Variants in SYT16 observed in about 807,000 individuals in gnomAD.
The protein encoded by SYT16 is synaptotagmin-16.
In SYT16, 42 loss-of-function variants were observed where a neutral mutation model predicts 61.4. The observed-to-expected ratio is 0.68, with a 90% CI of 0.53 to 0.89. The LOEUF (loss-of-function observed/expected upper bound fraction) is 0.89. Among genes scored for constraint, SYT16 ranks in the 40% least tolerant of loss-of-function variants. The probability of loss-of-function intolerance (pLI) is 0.00; values close to 1 mark genes in which losing one functional copy is unlikely to be tolerated. For missense variants in SYT16, 804 were observed against 807.3 expected (o/e 1.00, Z 0.05); for synonymous variants, 314 against 302.3 (o/e 1.04, Z -0.40).
At chr14:61,983,381 A>C (rs554988350) in intron 2 of SYT16, among the ~76,000 whole-genome samples, 1 of 152,210 alleles carries the variant, frequency 6.6e-6, no homozygotes, top group African/African-American at 2.4e-5. Flanking sequence ...TTGAGGTTTA[A>C]TGAAAAGATG....
chr14:62,036,961 G>A (rs911100828), intron 3 of SYT16, among the ~76,000 whole-genome samples: 1 of 152,172 alleles, frequency 6.6e-6, no homozygotes, highest in African/African-American at 2.4e-5. Flanking sequence ...TGAACAAAGA[G>A]AACAGAGGAA....
chr14:61,975,823 T>C (rs2051767093), intron 2 of SYT16, among the ~76,000 whole-genome samples: 1 of 152,150 alleles, frequency 6.6e-6, no homozygotes, highest in African/African-American at 2.4e-5. Context: ...TCCCCCCAAA[T>C]CTCATGTCTC....
chr14:61,822,705 G>C (rs1296227168), intron 1 of SYT16, among the ~76,000 whole-genome samples: 1 of 152,184 alleles, frequency 6.6e-6, no homozygotes, highest in Non-Finnish European at 1.5e-5. Context: ...GCAGAAGGCA[G>C]TATGCTTTGT....
intron 3 of SYT16, among the ~76,000 whole-genome samples, chr14:62,037,130 A>T (rs1262984819): frequency 1.3e-5 from 2 of 152,180 alleles, no homozygotes; most frequent in African/African-American, 2.4e-5. Context: ...TCTGAGCTAC[A>T]GTCAGGTCTC....
intron 3 of SYT16, among the ~76,000 whole-genome samples, chr14:62,045,708 T>C (rs1048669319): frequency 6.6e-5 from 10 of 152,092 alleles, no homozygotes; most frequent in African/African-American, 9.7e-5. Context: ...CGGTGTTTGG[T>C]TTTTTGTCCT....
At chr14:61,976,998 C>A (rs2051835812) in intron 2 of SYT16, among the ~76,000 whole-genome samples, 1 of 152,078 alleles carries the variant, frequency 6.6e-6, no homozygotes, top group African/African-American at 2.4e-5. Flanking sequence ...TCTCTAGGAC[C>A]CTAGGGCAGG....
intron 7 of SYT16, among the ~76,000 whole-genome samples, chr14:62,093,795 A>C (rs780099831): frequency 9.9e-5 from 15 of 152,154 alleles, no homozygotes; most frequent in Non-Finnish European, 1.6e-4. Flanking sequence ...TACTGACAAA[A>C]ATCTTAGCAG....
chr14:61,948,314 C>A (rs1291900470), intron 1 of SYT16, among the ~76,000 whole-genome samples: 1 of 151,682 alleles, frequency 6.6e-6, no homozygotes, highest in East Asian at 1.9e-4. Flanking sequence ...GTAAGTTTAT[C>A]AAAGTAGGTT....
intron 1 of SYT16, among the ~76,000 whole-genome samples, chr14:61,837,658 G>A (rs907113107): frequency 2.6e-5 from 4 of 152,072 alleles, no homozygotes; most frequent in African/African-American, 9.7e-5. Context: ...CCGCTCAGTG[G>A]AAAAGTCCTC....
intron 3 of SYT16, among the ~76,000 whole-genome samples, chr14:62,050,151 C>G (rs1434176170): frequency 6.6e-6 from 1 of 152,204 alleles, no homozygotes; most frequent in Non-Finnish European, 1.5e-5. Flanking sequence ...TCCCATATTT[C>G]TTGGAGGCTT....
At chr14:62,066,923 A>G (rs907038018) in intron 3 of SYT16, among the ~76,000 whole-genome samples, 20 of 152,178 alleles carry the variant, frequency 1.3e-4, no homozygotes, top group African/African-American at 4.1e-4. Context: ...AGAGAACAGA[A>G]AATTGTTTCA....
intron 2 of SYT16, among the ~76,000 whole-genome samples, chr14:61,979,104 A>G (rs8021459): frequency 2.2e-3 from 339 of 152,344 alleles, no homozygotes; most frequent in African/African-American, 7.8e-3. Flanking sequence ...AGGAAGAATA[A>G]TGACAAATTT....
In SYT16 at chr14:62,100,826, G is replaced by A; in HGVS notation, c.*119G>A. On this transcript the variant is annotated 3_prime_UTR_variant, in exon 8 of 8. Coordinates refer to ENST00000683842, the MANE Select transcript of SYT16 (RefSeq NM_001367656.1). ...CAAAAACAGATTCCACTAACCCCTA[G>A]GACATTGTGAGTGGGAGTTTTGGGT... 9.7e-7 allele frequency: 1 copy of A among 1,036,100 alleles called. No individual in the cohort carries two copies. Among genetic ancestry groups the A allele is most frequent in the Non-Finnish European group, 1.4e-6 (1 of 731,640 alleles). 64.2% of individuals were successfully genotyped at this position (1,036,100 alleles called of 1,614,324 possible).
At chr14:61,873,939 G>T (rs529827603) in intron 1 of SYT16, among the ~76,000 whole-genome samples, 2 of 152,166 alleles carry the variant, frequency 1.3e-5, no homozygotes, top group Non-Finnish European at 2.9e-5. Flanking sequence ...GTGAGGAGTT[G>T]TCAGTGTTTT....
rs1417390044 is a variant in SYT16, at chr14:61,870,620, T to G, written c.-325+57810T>G. Among the ~76,000 whole-genome samples the G allele has an allele frequency of 2.6e-5, 4 of 152,180 alleles. No homozygotes were observed. The East Asian group carries it at 7.7e-4, about 29-fold the overall frequency. On this transcript the variant is annotated intron_variant, in intron 1 of 7. Coordinates refer to ENST00000683842, the MANE Select transcript of SYT16 (RefSeq NM_001367656.1). ...GTATGGTAGGCCACATGATGTTATC[T>G]TCTTTTGAGTTTCTTTTCTTAAAAG...
chr14:61,878,516 A>G (rs553805719), intron 1 of SYT16, among the ~76,000 whole-genome samples: 2 of 152,290 alleles, frequency 1.3e-5, no homozygotes, highest in East Asian at 1.9e-4. Flanking sequence ...CATGAAATCA[A>G]TCTCTGGGTC....
At position 61,954,820 on chromosome 14, in the gene SYT16, A is replaced by G. The variant is rs774368679; in HGVS notation, c.-324-15312A>G. 7.7e-4 allele frequency among the ~76,000 whole-genome samples: 117 copies of G among 152,268 alleles called. 1 individual carries two copies. The highest frequency in any genetic ancestry group is 3.7e-4 in the Non-Finnish European group (25 of 68,014). On this transcript the variant is annotated intron_variant, in intron 1 of 7. Transcript: ENST00000683842. Reference sequence around the variant, plus strand: ...TAATTGTAGCACTGTGCTGACTACAATTCTCATGACCTATAATATTTAAAC... The same window carrying G: ...TAATTGTAGCACTGTGCTGACTACAGTTCTCATGACCTATAATATTTAAAC...
intron 1 of SYT16, among the ~76,000 whole-genome samples, chr14:61,913,645 C>T (rs1282081318): frequency 2.0e-5 from 3 of 151,560 alleles, no homozygotes; most frequent in Non-Finnish European, 4.4e-5. Context: ...TGTATTTACA[C>T]TAGTTTTAGC....
At chr14:62,019,956 G>C (rs1330057011) in intron 3 of SYT16, among the ~76,000 whole-genome samples, 1 of 152,192 alleles carries the variant, frequency 6.6e-6, no homozygotes, top group Non-Finnish European at 1.5e-5. Context: ...GCGGTAGTCA[G>C]AATTAGTCAA....
Sources: allele counts gnomAD v4.1 joint callset (sites outside exome capture counted in the v4.1 genomes callset), GRCh38; gene constraint gnomAD v4.1.1; transcripts MANE v1.5; gene names NCBI Gene and HGNC (gene_info 2026-07-23, HGNC 2026-07-21).